PRKCZ: variants seen among roughly 807,000 people sequenced by gnomAD.
PRKCZ encodes the protein protein kinase C zeta type.
PRKCZ carries 33 observed loss-of-function variants against 79.5 expected under a neutral mutation model. The ratio of observed to expected loss-of-function variants is 0.41; its 90% CI spans 0.31 to 0.55. PRKCZ has a LOEUF of 0.55. Ranked by LOEUF, PRKCZ falls within the 20% of genes least tolerant of loss-of-function variation. The pLI is 0.19. For synonymous variants in PRKCZ, 342 were observed against 320.9 expected (o/e 1.07, Z -0.70); for missense variants, 578 against 813.5 (o/e 0.71, Z 3.52).
intron 4 of PRKCZ, among the ~76,000 whole-genome samples, chr1:2,107,355 TCACGTGTCCTGAGA>T (rs1267388898): frequency 6.6e-6 from 1 of 152,214 alleles, no homozygotes; most frequent in Non-Finnish European, 1.5e-5. Flanking sequence ...TTCCCGCACG[TCACGTGTCCTGAGA>T]CCCCTCAGTG....
intron 16 of PRKCZ, among the ~76,000 whole-genome samples, chr1:2,175,878 C>T (rs997454729): frequency 6.6e-6 from 1 of 152,130 alleles, no homozygotes; most frequent in South Asian, 2.1e-4. Context: ...GCGGCACATG[C>T]GTCCTGACCT....
intron 10 of PRKCZ, among the ~76,000 whole-genome samples, chr1:2,159,775 C>A (rs905710694): frequency 1.3e-5 from 2 of 151,366 alleles, no homozygotes; most frequent in Admixed American, 6.6e-5. Flanking sequence ...ACAAACCATA[C>A]CCCATATCTA....
In PRKCZ at chr1:2,125,089, G is replaced by T. The variant is rs1305635759; in HGVS notation, c.335-10173G>T. ...ATCTCTGCCTCCAGCCTGGGCCTTT[G>T]GGTCTGTTTGAGGGTGGGGGACACG... On this transcript the variant is annotated intron_variant, in intron 4 of 17. Coordinates refer to ENST00000378567, the MANE Select transcript of PRKCZ (RefSeq NM_002744.6). The surrounding 1 kb of genome is among the most constrained non-coding windows in gnomAD (Gnocchi z 4.2). Among the ~76,000 whole-genome samples the T allele has an allele frequency of 6.6e-6, 1 of 152,248 alleles. No homozygotes were observed. Among genetic ancestry groups the T allele is most frequent in the South Asian group, 2.1e-4 (1 of 4,828 alleles).
chr1:2,144,107 T>A (rs1021386165), intron 5 of PRKCZ, 103 bp from the exon 6 acceptor site: 1 of 1,455,738 alleles, frequency 6.9e-7, no homozygotes, highest in Non-Finnish European at 9.2e-7. Flanking sequence ...GTTGCCCGGC[T>A]CAGTGTCCTC....
At position 2,175,163 on chromosome 1, in the gene PRKCZ, A is replaced by G. The variant is rs984500755; in HGVS notation, c.1486-61A>G. 4.2e-6 allele frequency: 6 copies of G among 1,442,752 alleles called. No individual in the cohort carries two copies. The African/African-American group carries it at 8.4e-5, about 20-fold the overall frequency. The allele number at this position is 1,442,752 out of a possible 1,614,324, so 89.4% of individuals were successfully genotyped here. A position where few individuals can be genotyped will look rare whatever the true frequency, so the allele number is the denominator to read the frequency against. On this transcript the variant is annotated intron_variant, in intron 15 of 17. Coordinates refer to ENST00000378567, the MANE Select transcript of PRKCZ (RefSeq NM_002744.6). ...AGCACTGGGAGTGGCCACCAAGGAG[A>G]GGGGGTCATGGGGCTTCCGGGATGG...
chr1:2,067,423 T>G lies in PRKCZ; in HGVS notation c.334+7832T>G, dbSNP rs75174864. ...CTGATGGACACTGGTGGGGGCTGGGTCGTTCGGGGCTGAGCGTGTGATGAG... is the reference window on the plus strand; with the variant it reads ...CTGATGGACACTGGTGGGGGCTGGGGCGTTCGGGGCTGAGCGTGTGATGAG... On this transcript the variant is annotated intron_variant, in intron 4 of 17. Transcript: ENST00000378567. 0.011 allele frequency among the ~76,000 whole-genome samples: 1,716 copies of G among 152,246 alleles called. 146 individuals are homozygous for G. The East Asian group carries it at 0.22, about 19-fold the overall frequency.
intron 4 of PRKCZ, among the ~76,000 whole-genome samples, chr1:2,107,128 G>A (rs1215450897): frequency 1.3e-5 from 2 of 152,214 alleles, no homozygotes; most frequent in African/African-American, 4.8e-5. Context: ...GTGTTTCCTC[G>A]GGGTTCTGCG....
At chr1:2,110,330 G>A (rs921497596) in intron 4 of PRKCZ, among the ~76,000 whole-genome samples, 5 of 152,254 alleles carry the variant, frequency 3.3e-5, no homozygotes, top group African/African-American at 7.2e-5. Flanking sequence ...GGCCCCGGGC[G>A]TGATCAGAGC....
At chr1:2,161,626 C>A (rs989157768) in intron 10 of PRKCZ, among the ~76,000 whole-genome samples, 1 of 152,166 alleles carries the variant, frequency 6.6e-6, no homozygotes, top group Admixed American at 6.5e-5. Context: ...AGGCACTGGC[C>A]GCTCTTAGAA....
At chr1:2,090,990 T>A (rs1665399016) in intron 4 of PRKCZ, among the ~76,000 whole-genome samples, 1 of 152,196 alleles carries the variant, frequency 6.6e-6, no homozygotes, top group Admixed American at 6.5e-5. Context: ...ATCATATAGA[T>A]GTGCTTTAAT....
chr1:2,135,023 C>T, intron 4 of PRKCZ: 1 of 406,886 alleles, frequency 2.5e-6, no homozygotes, highest in Non-Finnish European at 4.5e-6. Context: ...GCGAGGACAC[C>T]TGGCTCCATC....
chr1:2,129,464 C>G (rs775230235), intron 4 of PRKCZ, among the ~76,000 whole-genome samples: 1 of 151,994 alleles, frequency 6.6e-6, no homozygotes, highest in South Asian at 2.1e-4. Context: ...CACGTGGGCT[C>G]CTGGAAGAGG....
Position 2,082,416 on chromosome 1 carries a change from C to T in PRKCZ, c.334+22825C>T, listed in dbSNP as rs1332111774. 1 of 456,128 alleles carries T rather than the reference C, an allele frequency of 2.2e-6. No individual in the cohort carries two copies. Among genetic ancestry groups the T allele is most frequent in the East Asian group, 6.9e-5 (1 of 14,400 alleles). The allele number at this position is 456,128 out of a possible 1,614,324, so 28.3% of individuals were successfully genotyped here. ...GTTTGTGTTTATTTATTTATCTTGG[C>T]CAGCAGAGAGAATTGAGTTTGCATG... On this transcript the variant is annotated intron_variant, in intron 4 of 17. Transcript: ENST00000378567. This position sits in a 1 kb window ranked among gnomAD's most constrained non-coding sequence, Gnocchi z 4.4.
chr1:2,101,737 C>T (rs949323506), intron 4 of PRKCZ, among the ~76,000 whole-genome samples: 12 of 152,248 alleles, frequency 7.9e-5, no homozygotes, highest in Admixed American at 3.9e-4. Context: ...GCATCTGATA[C>T]TTAGCAGGTA....
intron 5 of PRKCZ, 87 bp from the exon 6 acceptor site, chr1:2,144,120 TTGA>T: frequency 6.8e-7 from 1 of 1,480,838 alleles, no homozygotes; most frequent in East Asian, 2.5e-5. Context: ...GTGTCCTCTT[TTGA>T]GAAGGTATAG....
chr1:2,077,520 A>C lies in PRKCZ; in HGVS notation c.334+17929A>C, dbSNP rs78305720. 8.1e-3 allele frequency among the ~76,000 whole-genome samples: 1,234 copies of C among 152,348 alleles called. 9 individuals carry two copies. Among genetic ancestry groups the C allele is most frequent in the Non-Finnish European group, 0.013 (892 of 68,032 alleles). On this transcript the variant is annotated intron_variant, in intron 4 of 17. Transcript: ENST00000378567. ...CCAGGCCTGGTGTCTTGTCCTGGTC[A>C]GGAAATTGTGTTGTTGCCCTTGTTA...
intron 4 of PRKCZ, among the ~76,000 whole-genome samples, chr1:2,115,778 G>C (rs1670640135): frequency 6.6e-6 from 1 of 152,252 alleles, no homozygotes; most frequent in African/African-American, 2.4e-5. Context: ...CTGCACGGGA[G>C]GCTGAGGTAT....
chr1:2,055,646 C>T, intron 2 of PRKCZ, 84 bp downstream of exon 2: 2 of 1,510,710 alleles, frequency 1.3e-6, no homozygotes, highest in South Asian at 2.6e-5. Flanking sequence ...TGTGCTCAGC[C>T]AATTCTGTGG....
chr1:2,083,147 G>A (rs1663881774), intron 4 of PRKCZ, among the ~76,000 whole-genome samples: 1 of 152,162 alleles, frequency 6.6e-6, no homozygotes, highest in Non-Finnish European at 1.5e-5. Context: ...TCGGTTCACT[G>A]GGTGGAGCAT....
Sources: gnomAD v4.1 joint callset for allele counts (sites outside exome capture counted in the v4.1 genomes callset) on GRCh38, gnomAD v4.1.1 for gene constraint, Gnocchi (gnomAD v3.1) non-coding constraint, MANE v1.5 for transcripts, NCBI Gene and HGNC (gene_info 2026-07-23, HGNC 2026-07-21) for gene names.